Variants in TESPA1 observed in about 807,000 individuals in gnomAD.
TESPA1 encodes the protein thymocyte expressed, positive selection associated 1.
TESPA1 carries 33 observed loss-of-function variants against 57.9 expected under a neutral mutation model. The ratio of observed to expected loss-of-function variants is 0.57; its 90% CI spans 0.43 to 0.76. TESPA1 has a LOEUF of 0.76. Among genes scored for constraint, TESPA1 ranks in the 30% least tolerant of loss-of-function variants. The pLI is 0.00. For missense variants in TESPA1, 618 were observed against 632.9 expected (o/e 0.98, Z 0.25); for synonymous variants, 227 against 228.9 (o/e 0.99, Z 0.07).
intron 1 of TESPA1, among the ~76,000 whole-genome samples, chr12:54,980,284 T>G (rs536959116): frequency 4.6e-5 from 7 of 152,360 alleles, no homozygotes; most frequent in African/African-American, 1.4e-4. Flanking sequence ...CAGGAAGTGT[T>G]GCTTTGTTTG....
rs1458360172 is a variant in TESPA1, at chr12:54,949,119, C to CG, written c.*1272_*1273insC. 6.6e-6 allele frequency: 1 copy of CG among 152,042 alleles called. No homozygotes were observed. The highest frequency in any genetic ancestry group is 2.4e-5 in the African/African-American group (1 of 41,392). 9.4% of individuals were successfully genotyped at this position (152,042 alleles called of 1,614,324 possible). A position where few individuals can be genotyped will look rare whatever the true frequency, so the allele number is the denominator to read the frequency against. ...GGCTTTTTCCAAATTGTGAAACTATCTTTTATCATGAAATAGGAGAAAGTT... is the reference window on the plus strand; with the variant it reads ...GGCTTTTTCCAAATTGTGAAACTATCGTTTTATCATGAAATAGGAGAAAGTT... On this transcript the variant is annotated 3_prime_UTR_variant, in exon 11 of 11. Coordinates refer to ENST00000449076, the MANE Select transcript of TESPA1 (RefSeq NM_001136030.3).
chr12:54,964,522 C>G (rs980974817), intron 7 of TESPA1, among the ~76,000 whole-genome samples: 1 of 152,232 alleles, frequency 6.6e-6, no homozygotes, highest in Non-Finnish European at 1.5e-5. Flanking sequence ...ATCCCGTGCA[C>G]GCACTCTCTC....
At chr12:54,953,189 T>C (rs1950502801) in intron 10 of TESPA1, among the ~76,000 whole-genome samples, 1 of 152,206 alleles carries the variant, frequency 6.6e-6, no homozygotes, top group African/African-American at 2.4e-5. Flanking sequence ...CATCACTTCC[T>C]TTGTAAATTT....
intron 10 of TESPA1, among the ~76,000 whole-genome samples, chr12:54,954,368 T>C (rs573314104): frequency 1.3e-5 from 2 of 152,350 alleles, no homozygotes; most frequent in South Asian, 4.1e-4. Context: ...ATAACACTTC[T>C]GTATCTTCTT....
chr12:54,963,744 G>T lies in TESPA1; in HGVS notation c.653C>A (p.Ala218Asp). The T allele has an allele frequency of 6.2e-7, 1 of 1,611,204 alleles. No individual in the cohort carries two copies. The highest frequency in any genetic ancestry group is 2.2e-5 in the East Asian group (1 of 44,834). ...AGGTGCCTGGGAGGGACACTCACTG[G>T]CCAGCATGAGGCAGGGGTCTTCCAT... ...IEMEDPCLML[A>D]SRFKQVQTLA... The change falls in exon 8 of 11, where the codon GCC (alanine) becomes GAC (aspartate). Residue 218 changes from alanine (A) to aspartate (D), a missense_variant and splice_region_variant. Ala to Asp is a moderately radical substitution (Grantham distance 126). Around this residue, in one of 3 missense-constraint regions of TESPA1, gnomAD observed 409 missense variants for 420.1 expected, o/e 0.97. Coordinates refer to ENST00000449076, the MANE Select transcript of TESPA1 (RefSeq NM_001136030.3).
intron 1 of TESPA1, among the ~76,000 whole-genome samples, chr12:54,983,710 T>C (rs1872935): frequency 0.35 from 52,843 of 151,950 alleles, 11,704 homozygotes; most frequent in East Asian, 0.89. Context: ...CCCTTTTTCT[T>C]CCACCCACTG....
intron 1 of TESPA1, among the ~76,000 whole-genome samples, chr12:54,975,959 A>G (rs1952121018): frequency 6.6e-6 from 1 of 152,204 alleles, no homozygotes; most frequent in Non-Finnish European, 1.5e-5. Context: ...GGTCCAGTCC[A>G]AGACATATTT....
At chr12:54,971,861 A>G (rs1951851910) in intron 3 of TESPA1, among the ~76,000 whole-genome samples, 1 of 152,208 alleles carries the variant, frequency 6.6e-6, no homozygotes, top group Non-Finnish European at 1.5e-5. Flanking sequence ...TTTCTGATAA[A>G]TAAACAGATG....
At chr12:54,961,088 G>T in intron 10 of TESPA1, 80 bp downstream of exon 10, 4 of 1,485,568 alleles carry the variant, frequency 2.7e-6, no homozygotes, top group Non-Finnish European at 2.8e-6. Context: ...CTTTATTATG[G>T]GTTTAAAAAA....
intron 10 of TESPA1, among the ~76,000 whole-genome samples, chr12:54,951,096 C>G (rs914399181): frequency 2.0e-5 from 3 of 152,116 alleles, no homozygotes; most frequent in African/African-American, 7.2e-5. Context: ...GCTCTGTGTC[C>G]CCACCCAAAT....
chr12:54,967,258 G>A (rs776636427), intron 4 of TESPA1, 22 bp from the exon 5 acceptor site: 11 of 1,610,838 alleles, frequency 6.8e-6, no homozygotes, highest in Middle Eastern at 1.7e-4. Context: ...TCAGGTGAGG[G>A]TCACAGAAAA....
At chr12:54,967,944 G>C in intron 3 of TESPA1, 52 bp from the exon 4 acceptor site, 1 of 1,611,230 alleles carries the variant, frequency 6.2e-7, no homozygotes, top group Non-Finnish European at 8.5e-7. Context: ...ATTTTCCAAG[G>C]AGCTTTTTCA....
chr12:54,956,200 T>C (rs1950723498), intron 10 of TESPA1, among the ~76,000 whole-genome samples: 1 of 152,120 alleles, frequency 6.6e-6, no homozygotes, highest in African/African-American at 2.4e-5. Flanking sequence ...TACCCACCAT[T>C]TGGGGGTATC....
At chr12:54,958,157 T>A (rs576540506) in intron 10 of TESPA1, among the ~76,000 whole-genome samples, 13 of 152,354 alleles carry the variant, frequency 8.5e-5, no homozygotes, top group African/African-American at 2.9e-4. Context: ...GGCATTGCAT[T>A]GCATAGATTG....
chr12:54,962,807 C>A lies in TESPA1; in HGVS notation c.1091G>T (p.Cys364Phe). 1.2e-6 allele frequency: 2 copies of A among 1,613,926 alleles called. No individual in the cohort carries two copies. Among genetic ancestry groups the A allele is most frequent in the South Asian group, 1.1e-5 (1 of 91,080 alleles). The change falls in exon 9 of 11, where the codon TGT becomes TTT. Residue 364 changes from cysteine to phenylalanine, a missense_variant. Physicochemically the swap from Cys to Phe is radical, Grantham distance 205. Coordinates refer to ENST00000449076, the MANE Select transcript of TESPA1 (RefSeq NM_001136030.3). ...CATCCTCTGCTGTGTTTCCTCTTCA[C>A]AGCAGAAGACACATGGATAGGGAGA... The part of the protein sequence containing the change: ...PTSPYPCVFC[C>F]EEETQQRMST...
At chr12:54,959,246 G>T (rs1950930274) in intron 10 of TESPA1, among the ~76,000 whole-genome samples, 1 of 152,130 alleles carries the variant, frequency 6.6e-6, no homozygotes, top group African/African-American at 2.4e-5. Flanking sequence ...TTAATGGGAC[G>T]GGATGGCTAG....
At position 54,966,398 on chromosome 12, in the gene TESPA1, G is replaced by C; in HGVS notation, c.337C>G (p.Leu113Val). The C allele has an allele frequency of 6.2e-7, 1 of 1,613,866 alleles. No homozygotes were observed. The highest frequency in any genetic ancestry group is 1.1e-5 in the South Asian group (1 of 91,064). ...EATLLAANGK[L>V]FSRSFLETAR... ...GAACCTAACACTTACCTGGAGAAGA[G>C]TTTGCCATTGGCGGCCAGTAGTGTG... The change falls in exon 6 of 11, where the codon CTC becomes GTC. Residue 113 changes from leucine to valine, a missense_variant. Coordinates refer to ENST00000449076, the MANE Select transcript of TESPA1 (RefSeq NM_001136030.3).
chr12:54,962,521 G>A lies in TESPA1; in HGVS notation c.1377C>T (p.Ile459=). The A allele has an allele frequency of 1.2e-6, 2 of 1,613,670 alleles. No homozygotes were observed. The highest frequency in any genetic ancestry group is 2.2e-5 in the East Asian group (1 of 44,866). The change falls in exon 9 of 11, where the codon ATC becomes ATT. Residue 459 remains isoleucine, a synonymous_variant. Transcript: ENST00000449076. ...CACTCTGCTTCCATTTCTGCTGGGT[G>A]ATGGACAGGTCCAAGGACTTAACCT... ...GRKVKSLDLS[I]TQQKWKQSVD...
intron 7 of TESPA1, among the ~76,000 whole-genome samples, chr12:54,964,269 T>C (rs1010424213): frequency 2.6e-5 from 4 of 152,186 alleles, no homozygotes; most frequent in Non-Finnish European, 5.9e-5. Flanking sequence ...TAGATACAAA[T>C]AAATTTCACA....
Sources: allele counts gnomAD v4.1 joint callset (sites outside exome capture counted in the v4.1 genomes callset), GRCh38; gene constraint gnomAD v4.1.1; regional missense constraint gnomAD v4.1.1; transcripts MANE v1.5; gene names NCBI Gene and HGNC (gene_info 2026-07-23, HGNC 2026-07-21).